The following PCDHGA4 variants were observed in gnomAD, a reference collection of about 807,000 sequenced individuals.
PCDHGA4 encodes protocadherin gamma subfamily A, 4.
Under a neutral mutation model 54.6 loss-of-function variants are expected in PCDHGA4, and 38 were observed. That is an observed-to-expected ratio of 0.70 (90% CI 0.54 to 0.91). The LOEUF is 0.91. Among genes scored for constraint, PCDHGA4 ranks in the 40% least tolerant of loss-of-function variants. The pLI is 0.00. For missense variants in PCDHGA4, 1,298 were observed against 1,220.9 expected (o/e 1.06, Z -0.94); for synonymous variants, 511 against 512.9 (o/e 1.00, Z 0.05).
chr5:141,395,556 G>A (rs1041230837), intron 1 of PCDHGA4: 1 of 97,434 alleles, frequency 1.0e-5, no homozygotes, highest in East Asian at 1.8e-4. Context: ...GTGTGTGTGT[G>A]TGTGTGTGTG....
rs763315667 is a variant in PCDHGA4 at position 141,371,544 on chromosome 5, T to C, written c.2514+13923T>C. Reference sequence around the variant, plus strand: ...TTCTGGATTTAATGGAGAAATCCTATGCCAACTAAAAGGAAACTTCCCCTT... The same window carrying C: ...TTCTGGATTTAATGGAGAAATCCTACGCCAACTAAAAGGAAACTTCCCCTT... On this transcript the variant is annotated intron_variant, in intron 1 of 3. Transcript: ENST00000571252. 3.1e-6 allele frequency: 5 copies of C among 1,613,692 alleles called. No homozygotes were observed. The Admixed American group carries it at 5.0e-5, about 16-fold the overall frequency.
intron 1 of PCDHGA4, chr5:141,478,473 A>G (rs2099458384): frequency 6.2e-7 from 1 of 1,613,742 alleles, no homozygotes; most frequent in African/African-American, 1.3e-5. Context: ...GCCAGCCGCC[A>G]GAACACGCTG....
chr5:141,405,390 T>C (rs1561700240), intron 1 of PCDHGA4: 1 of 1,600,118 alleles, frequency 6.2e-7, no homozygotes, highest in South Asian at 1.1e-5. Context: ...AGTTCATTTT[T>C]TTTCTTTCTT....
chr5:141,421,548 G>A, intron 1 of PCDHGA4: 19 of 1,613,984 alleles, frequency 1.2e-5, no homozygotes, highest in Non-Finnish European at 1.6e-5. Flanking sequence ...TTTTAAATAT[G>A]GAACTTCTCG....
At chr5:141,370,504 T>C (rs769995886) in intron 1 of PCDHGA4, 3 of 1,613,950 alleles carry the variant, frequency 1.9e-6, no homozygotes, top group Non-Finnish European at 2.5e-6. Flanking sequence ...CGCTACGCTA[T>C]TCCCGAGGAG....
rs1466755382 is a variant in PCDHGA4 at position 141,384,339 on chromosome 5, C to G, written c.2514+26718C>G. 19 of 1,613,782 alleles carry G rather than the reference C, an allele frequency of 1.2e-5. 1 individual carries two copies. Among genetic ancestry groups the G allele is most frequent in the Non-Finnish European group, 1.6e-5 (19 of 1,179,910 alleles). ...TCTTAGTGACTGCACAGGACCACGA[C>G]AGTGAGGATAATGCCCAGATCACTT... On this transcript the variant is annotated intron_variant, in intron 1 of 3. Coordinates refer to ENST00000571252, the MANE Select transcript of PCDHGA4 (RefSeq NM_018917.4).
chr5:141,376,420 T>C (rs1312408619), intron 1 of PCDHGA4: 5 of 1,614,196 alleles, frequency 3.1e-6, no homozygotes, highest in African/African-American at 1.3e-5. Context: ...CCGACACGCT[T>C]ATCAACCAGG....
chr5:141,454,842 C>T lies in PCDHGA4; in HGVS notation c.2515-39965C>T, dbSNP rs543795114. 1.2e-4 allele frequency among the ~76,000 whole-genome samples: 12 copies of T among 101,680 alleles called. No homozygotes were observed. The East Asian group carries it at 3.9e-3, about 33-fold the overall frequency. 66.7% of individuals were successfully genotyped at this position (101,680 alleles called of 152,430 possible). ...TTTTTTTTTGAGACAGAGTCGCGCTCTGTCACCCAGGCTGGAGTGCAGTGG... is the reference window on the plus strand; with the variant it reads ...TTTTTTTTTGAGACAGAGTCGCGCTTTGTCACCCAGGCTGGAGTGCAGTGG... On this transcript the variant is annotated intron_variant, in intron 1 of 3. Coordinates refer to ENST00000571252, the MANE Select transcript of PCDHGA4 (RefSeq NM_018917.4).
intron 1 of PCDHGA4, chr5:141,392,660 C>A: frequency 1.3e-6 from 1 of 797,246 alleles, no homozygotes; most frequent in Non-Finnish European, 1.9e-6. Flanking sequence ...GCAGATGCCA[C>A]AAACTAACTG....
rs2094308599 is a variant in PCDHGA4 at position 141,402,798 on chromosome 5, C to T, written c.2514+45177C>T. ...TTTCCAGTTCTGCGGCTACACAAAA[C>T]CCGGCAGATACCACAAACCTGCTCC... On this transcript the variant is annotated intron_variant, in intron 1 of 3. Transcript: ENST00000571252. 7.6e-6 allele frequency: 8 copies of T among 1,054,376 alleles called. No individual in the cohort carries two copies. The South Asian group carries it at 1.6e-4, about 20-fold the overall frequency. The allele number at this position is 1,054,376 out of a possible 1,614,324, so 65.3% of individuals were successfully genotyped here. A position where few individuals can be genotyped will look rare whatever the true frequency, so the allele number is the denominator to read the frequency against.
At position 141,476,387 on chromosome 5, in the gene PCDHGA4, C is replaced by T. The variant is rs147660262; in HGVS notation, c.2515-18420C>T. The T allele has an allele frequency of 6.2e-6, 10 of 1,613,958 alleles. No homozygotes were observed. Among genetic ancestry groups the T allele is most frequent in the Non-Finnish European group, 7.6e-6 (9 of 1,180,032 alleles). ...GACCGGAGAGATGTTTGTGAACGAC[C>T]GTCTGGATCGAGAGGAGCTGTGTGG... On this transcript the variant is annotated intron_variant, in intron 1 of 3. Coordinates refer to ENST00000571252, the MANE Select transcript of PCDHGA4 (RefSeq NM_018917.4). This position sits in a 1 kb window ranked among gnomAD's most constrained non-coding sequence, Gnocchi z 7.6.
intron 1 of PCDHGA4, chr5:141,420,386 A>G (rs1407565643): frequency 6.2e-6 from 8 of 1,284,798 alleles, no homozygotes; most frequent in Non-Finnish European, 7.2e-6. Context: ...AGTTCGCAAA[A>G]TATAGGTCAA....
rs753032334 is a variant in PCDHGA4 at position 141,372,277 on chromosome 5, C to G, written c.2514+14656C>G. The G allele has an allele frequency of 7.4e-6, 12 of 1,612,994 alleles. No individual in the cohort carries two copies. Among genetic ancestry groups the G allele is most frequent in the Middle Eastern group, 3.3e-4 (2 of 6,080 alleles). Reference sequence around the variant, plus strand: ...GGCCTGCGCACGGGTGAGGTGCGCACGGCGCGTACCTTGGGCGACAGGGAG... The same window carrying G: ...GGCCTGCGCACGGGTGAGGTGCGCAGGGCGCGTACCTTGGGCGACAGGGAG... On this transcript the variant is annotated intron_variant, in intron 1 of 3. Transcript: ENST00000571252.
chr5:141,384,999 C>A, intron 1 of PCDHGA4: 1 of 1,614,144 alleles, frequency 6.2e-7, no homozygotes, highest in Non-Finnish European at 8.5e-7. Flanking sequence ...TGGCCACAGT[C>A]TCCTGCGTCT....
At position 141,393,057 on chromosome 5, in the gene PCDHGA4, G is replaced by C. The variant is rs1273747847; in HGVS notation, c.2514+35436G>C. 9 of 1,613,514 alleles carry C rather than the reference G, an allele frequency of 5.6e-6. No homozygotes were observed. The highest frequency in any genetic ancestry group is 2.2e-5 in the South Asian group (2 of 91,064). ...GCTCTTTGCTCTGAACCCGCGCAGC[G>C]GCAGCTTGATCACCGCGGGCAGGAT... On this transcript the variant is annotated intron_variant, in intron 1 of 3. Coordinates refer to ENST00000571252, the MANE Select transcript of PCDHGA4 (RefSeq NM_018917.4).
rs1778279940 is a variant in PCDHGA4, at chr5:141,382,546, G to A, written c.2514+24925G>A. Among the ~76,000 whole-genome samples the A allele has an allele frequency of 5.3e-5, 8 of 152,162 alleles. No homozygotes were observed. In the South Asian group the frequency reaches 1.4e-3, roughly 28 times the overall value. The stretch of plus-strand genomic sequence containing the variant: ...TCTTAAAATGGATTTTTAATTATCA[G>A]GGATATCTAGAGCAAAGAAATCTAA... On this transcript the variant is annotated intron_variant, in intron 1 of 3. Coordinates refer to ENST00000571252, the MANE Select transcript of PCDHGA4 (RefSeq NM_018917.4).
At chr5:141,388,635 C>G (rs1441074974) in intron 1 of PCDHGA4, 7 of 1,613,896 alleles carry the variant, frequency 4.3e-6, no homozygotes, top group Non-Finnish European at 5.9e-6. Context: ...CAGGGTGAGC[C>G]TTTCAGAAAA....
At chr5:141,383,382 T>C in intron 1 of PCDHGA4, 1 of 1,614,050 alleles carries the variant, frequency 6.2e-7, no homozygotes, top group East Asian at 2.2e-5. Context: ...GGGATCCAGA[T>C]GTGGGCACGA....
At chr5:141,361,340 A>G (rs1394183800) in intron 1 of PCDHGA4, 2 of 1,613,974 alleles carry the variant, frequency 1.2e-6, no homozygotes, top group Non-Finnish European at 1.7e-6. Context: ...AAGAACTATT[A>G]CAAACTAGTG....
Sources: allele counts gnomAD v4.1 joint callset (sites outside exome capture counted in the v4.1 genomes callset), GRCh38; gene constraint gnomAD v4.1.1; non-coding constraint Gnocchi (gnomAD v3.1); transcripts MANE v1.5; gene names NCBI Gene and HGNC (gene_info 2026-07-23, HGNC 2026-07-21).